GOLM1: variants seen among roughly 807,000 people sequenced by gnomAD.
GOLM1 encodes the protein golgi membrane protein 1.
Under a neutral mutation model 50.5 loss-of-function variants are expected in GOLM1, and 31 were observed. That is an observed-to-expected ratio of 0.61 (90% CI 0.46 to 0.83). GOLM1 has a LOEUF of 0.83. Ranked by LOEUF, GOLM1 falls within the 40% of genes least tolerant of loss-of-function variation. GOLM1 has a pLI of 0.00. For synonymous variants in GOLM1, 178 were observed against 192.8 expected (o/e 0.92, Z 0.64); for missense variants, 491 against 501.3 (o/e 0.98, Z 0.20).
At chr9:86,088,585 T>TG (rs1563969146) in intron 1 of GOLM1, among the ~76,000 whole-genome samples, 16 of 117,096 alleles carry the variant, frequency 1.4e-4, no homozygotes, top group African/African-American at 3.7e-4. Flanking sequence ...TTTTTTTTTT[T>TG]TTTGTTTTGT....
intron 3 of GOLM1, among the ~76,000 whole-genome samples, chr9:86,052,989 A>G (rs902835983): frequency 6.0e-5 from 3 of 49,768 alleles, no homozygotes; most frequent in Non-Finnish European, 1.2e-4. Context: ...CCACACCACG[A>G]CACACCAAAC....
At position 86,033,241 on chromosome 9, in the gene GOLM1, A is replaced by G. The variant is rs184441510; in HGVS notation, c.1129+41T>C. On this transcript the variant is annotated intron_variant, in intron 9 of 9. Coordinates refer to ENST00000388712, the MANE Select transcript of GOLM1 (RefSeq NM_016548.4). ...CACGGTGAAGGACCAGGAAAGAGAA[A>G]TGAAAGGTGACCTCGTCACCGATGT... 7.8e-5 allele frequency: 86 copies of G among 1,099,186 alleles called. No individual in the cohort carries two copies. The Admixed American group carries it at 1.4e-3, about 18-fold the overall frequency. 68.1% of individuals were successfully genotyped at this position (1,099,186 alleles called of 1,614,324 possible). A position where few individuals can be genotyped will look rare whatever the true frequency, so the allele number is the denominator to read the frequency against.
intron 3 of GOLM1, among the ~76,000 whole-genome samples, chr9:86,067,125 G>A (rs111255875): frequency 1.3e-5 from 2 of 152,042 alleles, no homozygotes; most frequent in Non-Finnish European, 2.9e-5. Flanking sequence ...TAGTAGAGAC[G>A]GCATTTCGCC....
chr9:86,080,102 C>T (rs1485266106), intron 1 of GOLM1: 1 of 152,228 alleles, frequency 6.6e-6, no homozygotes, highest in Admixed American at 6.5e-5. Flanking sequence ...AAGGCATTCA[C>T]TCCATGCCAA....
intron 1 of GOLM1, among the ~76,000 whole-genome samples, chr9:86,091,881 T>TA (rs1835196097): frequency 1.3e-5 from 2 of 152,308 alleles, no homozygotes; most frequent in South Asian, 4.1e-4. Context: ...AAACAGCCAA[T>TA]AAAAAATTTA....
intron 6 of GOLM1, among the ~76,000 whole-genome samples, chr9:86,039,632 G>A (rs1174194483): frequency 6.6e-6 from 1 of 152,182 alleles, no homozygotes; most frequent in African/African-American, 2.4e-5. Context: ...ACAGACACAT[G>A]CTGCAACCCC....
At chr9:86,051,735 C>T (rs1005470573) in intron 4 of GOLM1, among the ~76,000 whole-genome samples, 2 of 150,232 alleles carry the variant, frequency 1.3e-5, no homozygotes, top group South Asian at 4.2e-4. Context: ...TTATGTGAGA[C>T]CCCCCAACTC....
chr9:86,044,050 A>G (rs1263382262), intron 5 of GOLM1, among the ~76,000 whole-genome samples: 1 of 152,192 alleles, frequency 6.6e-6, no homozygotes, highest in African/African-American at 2.4e-5. Context: ...TTAGCACTGT[A>G]TATGTTTTAG....
At chr9:86,039,500 T>C (rs1833260148) in intron 6 of GOLM1, among the ~76,000 whole-genome samples, 1 of 152,192 alleles carries the variant, frequency 6.6e-6, no homozygotes, top group South Asian at 2.1e-4. Flanking sequence ...TTCATGTTCA[T>C]ACGGCATTAT....
chr9:86,099,380 G>GGAT (rs1462230905), intron 1 of GOLM1, 31 bp downstream of exon 1: 1 of 151,196 alleles, frequency 6.6e-6, no homozygotes, highest in African/African-American at 2.4e-5. Flanking sequence ...CCGCGGTTCG[G>GGAT]GCAGCCTGGG....
chr9:86,081,385 G>A (rs983884751), intron 1 of GOLM1, among the ~76,000 whole-genome samples: 10 of 151,716 alleles, frequency 6.6e-5, no homozygotes, highest in African/African-American at 2.2e-4. Flanking sequence ...TAGTAGAGAC[G>A]GGGTTTCTCC....
chr9:86,099,657 G>T (rs1389456873), upstream of GOLM1: 1 of 150,534 alleles, frequency 6.6e-6, no homozygotes, highest in Admixed American at 6.6e-5. Flanking sequence ...GGGGCTGCCG[G>T]GGCCGCGCGG....
chr9:86,028,161 C>G (rs1832844925), intron 9 of GOLM1, among the ~76,000 whole-genome samples: 1 of 152,156 alleles, frequency 6.6e-6, no homozygotes, highest in African/African-American at 2.4e-5. Context: ...CTAATGAGAA[C>G]AAGGACTCCT....
chr9:86,056,955 G>A (rs1564349181), intron 3 of GOLM1, among the ~76,000 whole-genome samples: 1 of 152,148 alleles, frequency 6.6e-6, no homozygotes, highest in African/African-American at 2.4e-5. Flanking sequence ...ACTGAGCCAT[G>A]GTGCTGGGCC....
intron 7 of GOLM1, among the ~76,000 whole-genome samples, chr9:86,035,887 A>AC (rs1473459627): frequency 6.7e-6 from 1 of 148,876 alleles, no homozygotes; most frequent in South Asian, 2.1e-4. Context: ...ACAAAACAAA[A>AC]AAAAAAAAAC....
intron 3 of GOLM1, among the ~76,000 whole-genome samples, chr9:86,056,711 G>A (rs959072947): frequency 4.6e-5 from 7 of 151,810 alleles, no homozygotes; most frequent in Non-Finnish European, 7.4e-5. Flanking sequence ...TCACCATGTT[G>A]GCCAGGATGG....
intron 1 of GOLM1, among the ~76,000 whole-genome samples, chr9:86,093,020 C>T (rs1289470289): frequency 6.6e-6 from 1 of 152,180 alleles, no homozygotes; most frequent in Non-Finnish European, 1.5e-5. Flanking sequence ...CTTAAATCAG[C>T]TAAACTCTGT....
chr9:86,037,505 G>A (rs1401233511), intron 6 of GOLM1, among the ~76,000 whole-genome samples: 15 of 151,596 alleles, frequency 9.9e-5, no homozygotes, highest in Admixed American at 7.9e-4. Flanking sequence ...CAAAACTTAT[G>A]GGAAGCAGCT....
At chr9:86,052,010 C>T (rs1414620287) in intron 4 of GOLM1, among the ~76,000 whole-genome samples, 2 of 152,004 alleles carry the variant, frequency 1.3e-5, no homozygotes, top group African/African-American at 4.8e-5. Flanking sequence ...ACCCTGCTGA[C>T]CCTCCTGTCA....
Sources: gnomAD v4.1 joint callset for allele counts (sites outside exome capture counted in the v4.1 genomes callset) on GRCh38, gnomAD v4.1.1 for gene constraint, MANE v1.5 for transcripts, NCBI Gene and HGNC (gene_info 2026-07-23, HGNC 2026-07-21) for gene names.